The following CTNNA2 variants were observed in gnomAD, a reference collection of about 807,000 sequenced individuals.
CTNNA2 encodes catenin alpha 2.
Under a neutral mutation model 101.0 loss-of-function variants are expected in CTNNA2, and 42 were observed. That is an observed-to-expected ratio of 0.42 (90% confidence interval 0.32 to 0.54). The LOEUF (loss-of-function observed/expected upper bound fraction) is 0.54, where lower values mean the gene tolerates loss of function less well. Among genes scored for constraint, CTNNA2 ranks in the 20% least tolerant of loss-of-function variants. CTNNA2 has a pLI of 0.14. For missense variants in CTNNA2, 871 were observed against 1,223.1 expected (o/e 0.71, Z 4.29); for synonymous variants, 450 against 456.4 (o/e 0.99, Z 0.18).
chr2:79,189,463 A>C lies in CTNNA2; in HGVS notation c.-524+4032A>C, dbSNP rs576742063. ...TGTTATTTTCTTCTCTGTTCTTTTA[A>C]AATGGAAACAAAGAAAAGATTGTAC... is the stretch of plus-strand genomic sequence containing the variant. On this transcript the variant is annotated intron_variant, in intron 1 of 21. Transcript: ENST00000466387. Among the ~76,000 whole-genome samples, 136 of 152,236 alleles carry C rather than the reference A, an allele frequency of 8.9e-4. 1 individual carries two copies. The highest frequency in any genetic ancestry group is 1.5e-3 in the Non-Finnish European group (100 of 68,018).
At chr2:80,024,365 T>G (rs1694794384) in intron 7 of CTNNA2, among the ~76,000 whole-genome samples, 1 of 152,104 alleles carries the variant, frequency 6.6e-6, no homozygotes, top group Non-Finnish European at 1.5e-5. Flanking sequence ...TAGAACAGGC[T>G]TATTGGGAAA....
intron 7 of CTNNA2, among the ~76,000 whole-genome samples, chr2:80,249,568 T>A (rs1671595527): frequency 6.6e-6 from 1 of 152,180 alleles, no homozygotes; most frequent in Non-Finnish European, 1.5e-5. Context: ...ACTACTATTA[T>A]TATATTAATT....
At chr2:79,466,561 A>C (rs1246399453) in intron 4 of CTNNA2, among the ~76,000 whole-genome samples, 2 of 152,230 alleles carry the variant, frequency 1.3e-5, no homozygotes, top group Non-Finnish European at 2.9e-5. Flanking sequence ...TTGAGATCTG[A>C]GAACGGACAG....
intron 7 of CTNNA2, among the ~76,000 whole-genome samples, chr2:80,008,003 T>G (rs778623246): frequency 3.3e-5 from 5 of 152,224 alleles, no homozygotes; most frequent in Non-Finnish European, 7.3e-5. Flanking sequence ...GAGCAGCCAC[T>G]TGAAAATGCT....
At chr2:80,545,269 A>G (rs942411488) in intron 10 of CTNNA2, among the ~76,000 whole-genome samples, 195 bp downstream of exon 10, 1 of 152,224 alleles carries the variant, frequency 6.6e-6, no homozygotes, top group Non-Finnish European at 1.5e-5. Flanking sequence ...CAGCTTGGCC[A>G]GGCATGGTGG....
At chr2:80,124,576 C>T (rs769597407) in intron 7 of CTNNA2, among the ~76,000 whole-genome samples, 3 of 152,054 alleles carry the variant, frequency 2.0e-5, no homozygotes, top group Non-Finnish European at 4.4e-5. Flanking sequence ...AATATTTTCT[C>T]GTATATAGTA....
chr2:80,394,602 G>T (rs569219496), intron 8 of CTNNA2, among the ~76,000 whole-genome samples: 13 of 152,238 alleles, frequency 8.5e-5, no homozygotes, highest in African/African-American at 3.1e-4. Context: ...GATATGAAAT[G>T]ATATGGGTGG....
chr2:79,693,186 A>G (rs182153306), intron 2 of CTNNA2, among the ~76,000 whole-genome samples: 13 of 152,126 alleles, frequency 8.5e-5, no homozygotes, highest in African/African-American at 2.6e-4. Flanking sequence ...TAAAGTTAAA[A>G]TGTGTGGGAA....
chr2:79,363,699 C>G (rs1184275967), intron 3 of CTNNA2, among the ~76,000 whole-genome samples: 1 of 152,304 alleles, frequency 6.6e-6, no homozygotes, highest in South Asian at 2.1e-4. Flanking sequence ...CTTTGCTGCT[C>G]TTAATGCCCT....
intron 9 of CTNNA2, among the ~76,000 whole-genome samples, chr2:80,515,286 T>C (rs1689025956): frequency 6.6e-6 from 1 of 152,146 alleles, no homozygotes; most frequent in Non-Finnish European, 1.5e-5. Flanking sequence ...GCTCTGTTCT[T>C]CTTTGATGGA....
At chr2:79,637,285 G>A (rs1484988022) in intron 1 of CTNNA2, among the ~76,000 whole-genome samples, 1 of 152,182 alleles carries the variant, frequency 6.6e-6, no homozygotes, top group African/African-American at 2.4e-5. Context: ...AGAAGAGAGA[G>A]TACAGTTGAT....
intron 1 of CTNNA2, among the ~76,000 whole-genome samples, chr2:79,591,713 C>A (rs56736877): frequency 0.025 from 3,750 of 152,116 alleles, 144 homozygotes; most frequent in African/African-American, 0.082. Flanking sequence ...ATACTGGTCT[C>A]TTTTAAAGTC....
chr2:79,461,715 G>T (rs1670881438), intron 4 of CTNNA2, among the ~76,000 whole-genome samples: 1 of 151,990 alleles, frequency 6.6e-6, no homozygotes, highest in African/African-American at 2.4e-5. Context: ...ATGGTCACAA[G>T]TTAACATGTG....
chr2:79,467,671 C>G (rs1057502173), intron 4 of CTNNA2, among the ~76,000 whole-genome samples: 1 of 152,148 alleles, frequency 6.6e-6, no homozygotes, highest in Non-Finnish European at 1.5e-5. Context: ...AGACTAAGAG[C>G]GGATCTCTCA....
chr2:80,208,639 G>A (rs1424839980), intron 7 of CTNNA2, among the ~76,000 whole-genome samples: 1 of 152,114 alleles, frequency 6.6e-6, no homozygotes, highest in African/African-American at 2.4e-5. Context: ...AGCATTTAGG[G>A]CTGAGACCTC....
chr2:79,618,898 G>T (rs1045608427), intron 1 of CTNNA2, among the ~76,000 whole-genome samples: 1 of 152,198 alleles, frequency 6.6e-6, no homozygotes, highest in Non-Finnish European at 1.5e-5. Flanking sequence ...ATATGGGTAT[G>T]AGCACCCAAT....
chr2:79,853,279 G>A (rs574332175), intron 3 of CTNNA2, among the ~76,000 whole-genome samples: 1 of 152,204 alleles, frequency 6.6e-6, no homozygotes, highest in African/African-American at 2.4e-5. Flanking sequence ...TCAGCCTCTA[G>A]AGTAGCAGGG....
intron 2 of CTNNA2, among the ~76,000 whole-genome samples, chr2:79,654,947 G>C (rs553918346): frequency 1.3e-5 from 2 of 152,232 alleles, no homozygotes; most frequent in African/African-American, 4.8e-5. Context: ...AATTTTTATA[G>C]GAATTTGACA....
intron 2 of CTNNA2, among the ~76,000 whole-genome samples, chr2:79,699,422 T>C (rs1257355071): frequency 6.6e-6 from 1 of 152,034 alleles, no homozygotes; most frequent in African/African-American, 2.4e-5. Flanking sequence ...TGGTTCTTAG[T>C]ACAGTGTAAG....
Sources: gnomAD v4.1 joint callset for allele counts (sites outside exome capture counted in the v4.1 genomes callset) on GRCh38, gnomAD v4.1.1 for gene constraint, MANE v1.5 for transcripts, NCBI Gene and HGNC (gene_info 2026-07-23, HGNC 2026-07-21) for gene names.